Variants in SNTG2 observed in about 807,000 individuals in gnomAD.
SNTG2 encodes syntrophin gamma 2, also known as gamma-2-syntrophin.
Under a neutral mutation model 70.9 loss-of-function variants are expected in SNTG2, and 74 were observed. That is an observed-to-expected ratio of 1.04 (90% confidence interval 0.86 to 1.27). SNTG2 has a LOEUF of 1.27. Ranked by LOEUF, SNTG2 falls within the 50% of genes most tolerant of loss-of-function variation. The pLI is 0.00. For missense variants in SNTG2, 717 were observed against 690.7 expected (o/e 1.04, Z -0.43); for synonymous variants, 278 against 273.8 (o/e 1.02, Z -0.15).
intron 16 of SNTG2, among the ~76,000 whole-genome samples, chr2:1,324,210 G>GA (rs1172658657): frequency 1.3e-5 from 2 of 152,218 alleles, no homozygotes; most frequent in Non-Finnish European, 2.9e-5. Context: ...GCTGAGTTGG[G>GA]ATGGTGTTAG....
chr2:1,221,059 C>T (rs918369032), intron 9 of SNTG2, among the ~76,000 whole-genome samples: 1 of 152,242 alleles, frequency 6.6e-6, no homozygotes, highest in Admixed American at 6.5e-5. Flanking sequence ...TGCATCTGCT[C>T]CTTCTTTCCT....
Position 1,068,943 on chromosome 2 carries a change from T to G in SNTG2, c.73-14575T>G, listed in dbSNP as rs554332056. 1.4e-4 allele frequency among the ~76,000 whole-genome samples: 22 copies of G among 152,324 alleles called. No individual in the cohort carries two copies. The South Asian group carries it at 3.7e-3, about 26-fold the overall frequency. On this transcript the variant is annotated intron_variant, in intron 1 of 16. Transcript: ENST00000308624. ...TAGGGCCGTACTCATTGACTAGAAA[T>G]GCCAGTTTTTACCTCCAGGCTGCTT...
chr2:1,134,365 C>T (rs1668224884), intron 4 of SNTG2, among the ~76,000 whole-genome samples: 1 of 152,070 alleles, frequency 6.6e-6, no homozygotes, highest in Non-Finnish European at 1.5e-5. Context: ...TCTGTTTTGA[C>T]AGGATGCTGA....
intron 13 of SNTG2, 76 bp downstream of exon 13, chr2:1,259,517 T>G: frequency 1.7e-6 from 2 of 1,203,740 alleles, no homozygotes; most frequent in Non-Finnish European, 2.5e-6. Flanking sequence ...GAGGATTGTT[T>G]GTTCTGCGTG....
intron 6 of SNTG2, among the ~76,000 whole-genome samples, chr2:1,153,525 G>T (rs766456917): frequency 6.6e-6 from 1 of 152,186 alleles, no homozygotes; most frequent in Non-Finnish European, 1.5e-5. Context: ...TAAAAAGTGC[G>T]TACACAGTCA....
At chr2:953,777 GT>G (rs1485597027) in intron 1 of SNTG2, among the ~76,000 whole-genome samples, 1 of 152,068 alleles carries the variant, frequency 6.6e-6, no homozygotes. Context: ...TTTTGTTTTT[GT>G]TTTTTTCCAA....
chr2:1,319,989 T>C (rs941488113), intron 16 of SNTG2, among the ~76,000 whole-genome samples: 1 of 152,210 alleles, frequency 6.6e-6, no homozygotes, highest in African/African-American at 2.4e-5. Context: ...ATTATCTCAA[T>C]ACATCAATTA....
At chr2:1,239,690 C>T in intron 10 of SNTG2, 48 bp from the exon 11 acceptor site, 1 of 1,605,652 alleles carries the variant, frequency 6.2e-7, no homozygotes, top group Non-Finnish European at 8.5e-7. Context: ...GGTGAGCCAT[C>T]CTGGTGTTGG....
chr2:1,362,920 G>T (rs984767653), intron 16 of SNTG2, among the ~76,000 whole-genome samples: 2 of 152,102 alleles, frequency 1.3e-5, no homozygotes, highest in Non-Finnish European at 2.9e-5. Context: ...GAACTTCCAC[G>T]AAGGTCACCG....
At chr2:1,057,275 G>A (rs6734393) in intron 1 of SNTG2, among the ~76,000 whole-genome samples, 90,678 of 151,898 alleles carry the variant, frequency 0.6, 27,707 homozygotes, top group Non-Finnish European at 0.68. Flanking sequence ...TCTCTATTCT[G>A]GCTGTATTTC....
At chr2:1,298,245 G>A (rs1336137932) in intron 14 of SNTG2, among the ~76,000 whole-genome samples, 2 of 152,050 alleles carry the variant, frequency 1.3e-5, no homozygotes, top group Non-Finnish European at 2.9e-5. Context: ...AGAGTCTCGT[G>A]TCTCAACCTC....
chr2:971,886 T>G (rs1444373190), intron 1 of SNTG2, among the ~76,000 whole-genome samples: 1 of 152,162 alleles, frequency 6.6e-6, no homozygotes, highest in East Asian at 1.9e-4. Flanking sequence ...TCAAATAATT[T>G]TTTATTTCTG....
intron 15 of SNTG2, among the ~76,000 whole-genome samples, chr2:1,315,996 C>T (rs949851468): frequency 3.3e-5 from 5 of 152,070 alleles, no homozygotes; most frequent in African/African-American, 7.2e-5. Flanking sequence ...GACTGAGGAC[C>T]GTGGATGCTG....
chr2:1,041,577 C>T (rs113999284), intron 1 of SNTG2, among the ~76,000 whole-genome samples: 7,069 of 152,112 alleles, frequency 0.046, 218 homozygotes, highest in African/African-American at 0.086. Context: ...GTGCTGTCCT[C>T]CTGGTAGTGA....
At chr2:1,155,351 CCA>C (rs1669819190) in intron 6 of SNTG2, among the ~76,000 whole-genome samples, 2 of 151,900 alleles carry the variant, frequency 1.3e-5, no homozygotes, top group East Asian at 3.9e-4. Flanking sequence ...ACCACACACA[CCA>C]CACACACATG....
intron 1 of SNTG2, among the ~76,000 whole-genome samples, chr2:1,069,003 A>G (rs1452383402): frequency 6.6e-6 from 1 of 152,230 alleles, no homozygotes; most frequent in Non-Finnish European, 1.5e-5. Context: ...AAAAATGTGC[A>G]TTTGAAAGAC....
chr2:1,267,019 C>T (rs1215899264), intron 13 of SNTG2, among the ~76,000 whole-genome samples: 1 of 152,146 alleles, frequency 6.6e-6, no homozygotes, highest in Non-Finnish European at 1.5e-5. Context: ...AATCCACCCA[C>T]CTTAGTCTCC....
intron 1 of SNTG2, among the ~76,000 whole-genome samples, chr2:975,708 T>C (rs372716239): frequency 6.6e-6 from 1 of 152,212 alleles, no homozygotes; most frequent in South Asian, 2.1e-4. Flanking sequence ...CTGGAATTAA[T>C]TGTGTGTTCA....
chr2:1,170,646 C>T (rs1444181836), intron 7 of SNTG2, among the ~76,000 whole-genome samples: 2 of 152,160 alleles, frequency 1.3e-5, no homozygotes, highest in African/African-American at 4.8e-5. Flanking sequence ...TCGCGGGCAT[C>T]GGTGCTGCAT....
Sources: allele counts gnomAD v4.1 joint callset (sites outside exome capture counted in the v4.1 genomes callset), GRCh38; gene constraint gnomAD v4.1.1; transcripts MANE v1.5; gene names NCBI Gene and HGNC (gene_info 2026-07-23, HGNC 2026-07-21).